The following CCSER1 variants were observed in gnomAD, a reference collection of about 807,000 sequenced individuals.
CCSER1 encodes the protein serine-rich coiled-coil domain-containing protein 1.
A neutral mutation model predicts 82.0 loss-of-function variants in CCSER1; 41 were observed. That is an observed-to-expected ratio of 0.50 (90% confidence interval 0.39 to 0.65). CCSER1 has a LOEUF of 0.65. Among genes scored for constraint, CCSER1 ranks in the 30% least tolerant of loss-of-function variants. The pLI, the probability that CCSER1 is intolerant of heterozygous loss-of-function variation, is 0.00. For synonymous variants in CCSER1, 414 were observed against 383.9 expected (o/e 1.08, Z -0.92); for missense variants, 1,119 against 1,064.2 (o/e 1.05, Z -0.72).
At chr4:90,530,768 A>G (rs139523457) in intron 5 of CCSER1, among the ~76,000 whole-genome samples, 4 of 152,270 alleles carry the variant, frequency 2.6e-5, no homozygotes, top group Admixed American at 2.6e-4. Context: ...AGCTTGGTCC[A>G]TGCCCTGGTT....
chr4:90,403,055 T>G (rs1468441332), intron 4 of CCSER1, among the ~76,000 whole-genome samples: 1 of 152,238 alleles, frequency 6.6e-6, no homozygotes, highest in Non-Finnish European at 1.5e-5. Context: ...CTTAATAAAC[T>G]GTCTTTTGAA....
intron 5 of CCSER1, among the ~76,000 whole-genome samples, chr4:90,585,717 G>T (rs953594411): frequency 2.6e-5 from 4 of 152,054 alleles, no homozygotes; most frequent in Admixed American, 2.0e-4. Context: ...TAACATACGG[G>T]TGTGTGACTA....
chr4:90,195,619 G>A (rs945928987), intron 1 of CCSER1, among the ~76,000 whole-genome samples: 3 of 152,090 alleles, frequency 2.0e-5, no homozygotes, highest in Non-Finnish European at 2.9e-5. Context: ...TGATAATGAT[G>A]TGTAAATGTA....
At chr4:90,526,688 A>G (rs536523297) in intron 5 of CCSER1, among the ~76,000 whole-genome samples, 4 of 152,310 alleles carry the variant, frequency 2.6e-5, no homozygotes, top group Admixed American at 1.3e-4. Flanking sequence ...GTGTCCCTTC[A>G]AAAGACATGA....
chr4:91,524,537 G>A (rs1170626826), intron 10 of CCSER1, among the ~76,000 whole-genome samples: 1 of 152,106 alleles, frequency 6.6e-6, no homozygotes, highest in Non-Finnish European at 1.5e-5. Context: ...GTAAAAACCT[G>A]GTGGTTATCT....
At chr4:91,204,067 T>C (rs540644392) in intron 10 of CCSER1, among the ~76,000 whole-genome samples, 4 of 151,880 alleles carry the variant, frequency 2.6e-5, no homozygotes, top group Non-Finnish European at 5.9e-5. Flanking sequence ...GATAACTAAA[T>C]ATTTGAACCA....
Position 90,308,338 on chromosome 4 carries a change from C to T in CCSER1, c.54C>T (p.Phe18=), listed in dbSNP as rs1214216094. Residue 18 remains phenylalanine, a synonymous_variant, in exon 2 of 11, where the codon TTC becomes TTT. Transcript: ENST00000509176. ...RSTLVSRLPI[F]RRSINRRHDS... ...CCCTGGTCTCCCGGTTGCCAATATTCAGAAGAAGTATTAACAGAAGACATG... is the reference window on the plus strand; with the variant it reads ...CCCTGGTCTCCCGGTTGCCAATATTTAGAAGAAGTATTAACAGAAGACATG... 1 of 1,610,552 alleles carries T rather than the reference C, an allele frequency of 6.2e-7. No individual in the cohort carries two copies. Among genetic ancestry groups the T allele is most frequent in the South Asian group, 1.1e-5 (1 of 90,524 alleles).
At chr4:90,133,049 G>T (rs559922526) in intron 1 of CCSER1, among the ~76,000 whole-genome samples, 1 of 152,262 alleles carries the variant, frequency 6.6e-6, no homozygotes, top group East Asian at 1.9e-4. Context: ...AAGCTCTGGG[G>T]TGGGGTTCTC....
chr4:91,591,158 A>C (rs1022153480), intron 10 of CCSER1, among the ~76,000 whole-genome samples: 2 of 152,156 alleles, frequency 1.3e-5, no homozygotes, highest in Non-Finnish European at 2.9e-5. Flanking sequence ...TGCAATGTAC[A>C]TGATGGTCCC....
intron 10 of CCSER1, among the ~76,000 whole-genome samples, chr4:91,422,123 G>C (rs548758330): frequency 6.6e-6 from 1 of 151,896 alleles, no homozygotes. Context: ...TTTTAGCTTA[G>C]TAATACTCAT....
At chr4:90,948,071 A>C (rs531600909) in intron 9 of CCSER1, among the ~76,000 whole-genome samples, 1 of 152,162 alleles carries the variant, frequency 6.6e-6, no homozygotes, top group African/African-American at 2.4e-5. Flanking sequence ...TAAACAAAGT[A>C]AACTGCATCT....
intron 10 of CCSER1, among the ~76,000 whole-genome samples, chr4:91,180,847 A>G (rs1427061673): frequency 1.3e-5 from 2 of 152,236 alleles, no homozygotes; most frequent in Non-Finnish European, 2.9e-5. Context: ...TTAACAGCAA[A>G]CCAGTCATTA....
chr4:90,865,578 A>G (rs1765633540), intron 8 of CCSER1, among the ~76,000 whole-genome samples: 1 of 151,978 alleles, frequency 6.6e-6, no homozygotes. Context: ...AATTCAGGCA[A>G]CTGGTAGGCA....
At chr4:90,728,912 T>C (rs541856734) in intron 7 of CCSER1, among the ~76,000 whole-genome samples, 14 of 152,336 alleles carry the variant, frequency 9.2e-5, no homozygotes, top group Admixed American at 1.3e-4. Context: ...GTAGTTTCTA[T>C]AATGACCACT....
At chr4:91,369,409 A>G (rs11728349) in intron 10 of CCSER1, among the ~76,000 whole-genome samples, 9,882 of 152,310 alleles carry the variant, frequency 0.065, 473 homozygotes, top group Middle Eastern at 0.11. Context: ...GCTAAGTAAT[A>G]TAATTCTCAT....
chr4:91,156,416 C>A (rs1730824920), intron 10 of CCSER1, among the ~76,000 whole-genome samples: 1 of 151,530 alleles, frequency 6.6e-6, no homozygotes, highest in Admixed American at 6.6e-5. Flanking sequence ...TGTTCTGATC[C>A]TTAGAAATTT....
chr4:90,193,532 TATG>T (rs1736030888), intron 1 of CCSER1, among the ~76,000 whole-genome samples: 1 of 152,036 alleles, frequency 6.6e-6, no homozygotes, highest in Admixed American at 6.6e-5. Flanking sequence ...ACTGTACAAT[TATG>T]ATACATATTC....
At chr4:90,494,546 A>G (rs1052288337) in intron 5 of CCSER1, among the ~76,000 whole-genome samples, 4 of 151,958 alleles carry the variant, frequency 2.6e-5, no homozygotes, top group Non-Finnish European at 5.9e-5. Context: ...GTTCTATCTC[A>G]TGAGAGTTTG....
intron 9 of CCSER1, among the ~76,000 whole-genome samples, chr4:90,961,133 C>A (rs577590628): frequency 6.6e-6 from 1 of 152,242 alleles, no homozygotes; most frequent in African/African-American, 2.4e-5. Context: ...TTATCCTGTT[C>A]TTTGTGTTAT....
Sources: allele counts gnomAD v4.1 joint callset (sites outside exome capture counted in the v4.1 genomes callset), GRCh38; gene constraint gnomAD v4.1.1; transcripts MANE v1.5; gene names NCBI Gene and HGNC (gene_info 2026-07-23, HGNC 2026-07-21).